RASAL2: variants seen among roughly 807,000 people sequenced by gnomAD.
RASAL2 encodes the protein ras GTPase-activating protein nGAP.
In RASAL2, 58 loss-of-function variants were observed where a neutral mutation model predicts 128.9. The observed-to-expected ratio is 0.45, with a 90% confidence interval of 0.36 to 0.56. The LOEUF is 0.56. Ranked by LOEUF, RASAL2 falls within the 20% of genes least tolerant of loss-of-function variation. The pLI is 0.00. For missense variants in RASAL2, 1,360 were observed against 1,601.6 expected (o/e 0.85, Z 2.57); for synonymous variants, 561 against 580.8 (o/e 0.97, Z 0.49).
intron 1 of RASAL2, among the ~76,000 whole-genome samples, chr1:178,266,123 G>A (rs1665935551): frequency 6.6e-6 from 1 of 152,096 alleles, no homozygotes; most frequent in Non-Finnish European, 1.5e-5. Flanking sequence ...TATATATCTA[G>A]GAGTAGAATT....
At chr1:178,363,926 C>T (rs1671258434) in intron 3 of RASAL2, among the ~76,000 whole-genome samples, 1 of 152,024 alleles carries the variant, frequency 6.6e-6, no homozygotes, top group South Asian at 2.1e-4. Flanking sequence ...GAAACCCCAT[C>T]TCTACTAAAA....
intron 3 of RASAL2, among the ~76,000 whole-genome samples, chr1:178,385,108 A>G (rs1672487272): frequency 6.6e-6 from 1 of 152,244 alleles, no homozygotes; most frequent in South Asian, 2.1e-4. Flanking sequence ...CTTTCCAAAC[A>G]TAATAACATT....
intron 1 of RASAL2, among the ~76,000 whole-genome samples, chr1:178,248,651 ATTTTGTT>A (rs1269977344): frequency 1.8e-4 from 27 of 152,136 alleles, no homozygotes; most frequent in African/African-American, 6.5e-4. Flanking sequence ...TGTTCTTTAT[ATTTTGTT>A]ATGTTTTTGC....
intron 5 of RASAL2, among the ~76,000 whole-genome samples, chr1:178,433,893 G>C (rs1676086694): frequency 1.3e-5 from 2 of 151,696 alleles, no homozygotes; most frequent in African/African-American, 4.8e-5. Context: ...CTCCAGCCTG[G>C]GCAACAAGAG....
chr1:178,096,485 T>TGC (rs906771510), intron 1 of RASAL2, among the ~76,000 whole-genome samples: 9 of 149,054 alleles, frequency 6.0e-5, no homozygotes, highest in African/African-American at 2.0e-4. Flanking sequence ...TGTGTGTGTG[T>TGC]GTAAGAGAGA....
intron 9 of RASAL2, among the ~76,000 whole-genome samples, chr1:178,446,519 A>G (rs192236497): frequency 6.6e-6 from 1 of 152,348 alleles, no homozygotes; most frequent in African/African-American, 2.4e-5. Context: ...TTAGAAGAAT[A>G]AAAGTTATTA....
intron 5 of RASAL2, among the ~76,000 whole-genome samples, chr1:178,436,273 T>C (rs1463751948): frequency 2.0e-5 from 3 of 152,098 alleles, no homozygotes; most frequent in African/African-American, 4.8e-5. Context: ...TAATGTTGAA[T>C]ATATTCGTGA....
intron 1 of RASAL2, among the ~76,000 whole-genome samples, chr1:178,136,432 C>G (rs1660325705): frequency 6.6e-6 from 1 of 151,868 alleles, no homozygotes; most frequent in Non-Finnish European, 1.5e-5. Context: ...GAAGGGTTTC[C>G]CAGTGTTTCT....
At chr1:178,258,602 G>T (rs953700275) in intron 1 of RASAL2, among the ~76,000 whole-genome samples, 1 of 152,154 alleles carries the variant, frequency 6.6e-6, no homozygotes, top group Non-Finnish European at 1.5e-5. Flanking sequence ...GAATCAAAAA[G>T]TCAGATAATA....
At chr1:178,144,209 G>A (rs916623889) in intron 1 of RASAL2, among the ~76,000 whole-genome samples, 5 of 152,068 alleles carry the variant, frequency 3.3e-5, no homozygotes, top group African/African-American at 9.7e-5. Context: ...GATAGATTCC[G>A]TACAGAGAGA....
At chr1:178,323,470 G>A (rs1002686547) in intron 3 of RASAL2, among the ~76,000 whole-genome samples, 10 of 152,150 alleles carry the variant, frequency 6.6e-5, no homozygotes, top group African/African-American at 2.4e-4. Context: ...AATGAAATTA[G>A]AGAATTACTA....
intron 4 of RASAL2, among the ~76,000 whole-genome samples, chr1:178,417,240 C>T (rs760127580): frequency 1.4e-4 from 22 of 151,892 alleles, no homozygotes; most frequent in Non-Finnish European, 2.6e-4. Flanking sequence ...ATTGATATAT[C>T]CTCATGCTTA....
At chr1:178,097,344 T>A (rs1658731148) in intron 1 of RASAL2, among the ~76,000 whole-genome samples, 1 of 152,198 alleles carries the variant, frequency 6.6e-6, no homozygotes, top group Admixed American at 6.5e-5. Context: ...GGCCCATTAT[T>A]TTACCTGCAG....
At chr1:178,224,224 AT>A (rs35686460) in intron 1 of RASAL2, among the ~76,000 whole-genome samples, 3,040 of 143,100 alleles carry the variant, frequency 0.021, 75 homozygotes, top group African/African-American at 0.064. Flanking sequence ...GAAAACTAGA[AT>A]TTTTTTTTTT....
chr1:178,258,783 A>G (rs1198537131), intron 1 of RASAL2, among the ~76,000 whole-genome samples: 1 of 152,224 alleles, frequency 6.6e-6, no homozygotes, highest in African/African-American at 2.4e-5. Flanking sequence ...ATGAAAACGT[A>G]TGTCCTCATA....
chr1:178,449,909 C>G (rs1385968439), intron 9 of RASAL2, among the ~76,000 whole-genome samples: 1 of 151,992 alleles, frequency 6.6e-6, no homozygotes, highest in African/African-American at 2.4e-5. Context: ...CCCTTGAATA[C>G]ATATAACCTA....
intron 1 of RASAL2, among the ~76,000 whole-genome samples, chr1:178,195,016 A>G (rs912624272): frequency 2.0e-5 from 3 of 152,202 alleles, no homozygotes; most frequent in African/African-American, 7.2e-5. Context: ...AATGTATCTA[A>G]TTTTTGCTTT....
intron 1 of RASAL2, among the ~76,000 whole-genome samples, chr1:178,164,823 T>TTGTG (rs200932615): frequency 0.076 from 10,067 of 131,838 alleles, 351 homozygotes; most frequent in Middle Eastern, 0.12. Flanking sequence ...CATCAAACGT[T>TTGTG]TGTGTGTGTG....
chr1:178,120,033 A>C (rs1353712024), intron 1 of RASAL2, among the ~76,000 whole-genome samples: 4 of 152,228 alleles, frequency 2.6e-5, no homozygotes, highest in African/African-American at 9.7e-5. Context: ...GACACATTTG[A>C]TGAAGTGGTG....
Sources: gnomAD v4.1 joint callset for allele counts (sites outside exome capture counted in the v4.1 genomes callset) on GRCh38, gnomAD v4.1.1 for gene constraint, MANE v1.5 for transcripts, NCBI Gene and HGNC (gene_info 2026-07-23, HGNC 2026-07-21) for gene names.